Variants in CEP112 observed in about 807,000 individuals in gnomAD.
CEP112 encodes the protein centrosomal protein of 112 kDa.
Under a neutral mutation model 153.0 loss-of-function variants are expected in CEP112, and 127 were observed. The observed-to-expected ratio is 0.83, with a 90% CI of 0.72 to 0.96. The LOEUF (loss-of-function observed/expected upper bound fraction) is 0.96, where lower values mean the gene tolerates loss of function less well. Ranked by LOEUF, CEP112 falls within the 40% of genes least tolerant of loss-of-function variation. CEP112 has a pLI of 0.00. For missense variants in CEP112, 1,089 were observed against 1,101.2 expected (o/e 0.99, Z 0.16); for synonymous variants, 358 against 374.4 (o/e 0.96, Z 0.51).
chr17:65,958,123 T>G (rs2062061344), intron 18 of CEP112, among the ~76,000 whole-genome samples: 1 of 152,206 alleles, frequency 6.6e-6, no homozygotes, highest in Non-Finnish European at 1.5e-5. Flanking sequence ...GTTCCAGGTT[T>G]CTCTACTCAT....
intron 12 of CEP112, among the ~76,000 whole-genome samples, chr17:66,039,141 T>C (rs9890287): frequency 0.015 from 2,248 of 152,206 alleles, 60 homozygotes; most frequent in African/African-American, 0.052. Flanking sequence ...AAGAGGAAAT[T>C]TGGGAAAGGG....
intron 19 of CEP112, among the ~76,000 whole-genome samples, chr17:65,905,421 GAATGGTGATCATAAA>G (rs2060033667): frequency 6.6e-6 from 1 of 152,182 alleles, no homozygotes. Context: ...ATGCCAGTTA[GAATGGTGATCATAAA>G]AAGTCAGGAA....
intron 24 of CEP112, among the ~76,000 whole-genome samples, 163 bp from the exon 25 acceptor site, chr17:65,641,228 A>G (rs2045116607): frequency 6.6e-6 from 1 of 152,224 alleles, no homozygotes; most frequent in Admixed American, 6.5e-5. Context: ...TAAAAACTGA[A>G]AAGGCTACCC....
intron 23 of CEP112, among the ~76,000 whole-genome samples, chr17:65,732,138 T>G (rs1388294474): frequency 6.6e-6 from 1 of 152,194 alleles, no homozygotes; most frequent in African/African-American, 2.4e-5. Flanking sequence ...ATAAGAAGAC[T>G]TGAAAGTTGA....
chr17:65,994,583 A>C (rs753437854), intron 17 of CEP112, among the ~76,000 whole-genome samples: 1 of 152,106 alleles, frequency 6.6e-6, no homozygotes, highest in African/African-American at 2.4e-5. Flanking sequence ...CCTGCCTTGG[A>C]CTTCCAAAGT....
At position 66,032,744 on chromosome 17, in the gene CEP112, T is replaced by C. The variant is rs536084564; in HGVS notation, c.1219-2721A>G. Among the ~76,000 whole-genome samples, 112 of 151,968 alleles carry C rather than the reference T, an allele frequency of 7.4e-4. 2 individuals carry two copies. Among genetic ancestry groups the C allele is most frequent in the African/African-American group, 2.2e-3 (92 of 41,438 alleles). On this transcript the variant is annotated intron_variant, in intron 12 of 26. Coordinates refer to ENST00000535342, the MANE Select transcript of CEP112 (RefSeq NM_001199165.4). ...CCAAGAAATAAAATCAGAGGAAAAA[T>C]AGAAATAGACATGCAGATGCCCCAT...
intron 20 of CEP112, among the ~76,000 whole-genome samples, chr17:65,870,014 T>TA (rs2058602971): frequency 4.5e-5 from 2 of 44,614 alleles, no homozygotes; most frequent in Admixed American, 3.3e-4. Context: ...AGGTAGAGAA[T>TA]AAGAAAGAAA....
chr17:66,131,513 G>A lies in CEP112; in HGVS notation c.564+1157C>T, dbSNP rs190268372. On this transcript the variant is annotated intron_variant, in intron 5 of 26. Coordinates refer to ENST00000535342, the MANE Select transcript of CEP112 (RefSeq NM_001199165.4). ...TCCCAGCACTTTGGGAGGCTGAGGC[G>A]GGCGGATCACGAGGTCAGGAGATCA... Among the ~76,000 whole-genome samples, 1,323 of 152,158 alleles carry A rather than the reference G, an allele frequency of 8.7e-3. 17 individuals are homozygous for A. The highest frequency in any genetic ancestry group is 0.03 in the African/African-American group (1,254 of 41,502).
In CEP112 at chr17:65,690,972, G is replaced by A. The variant is rs560461648; in HGVS notation, c.2608-1754C>T. On this transcript the variant is annotated intron_variant, in intron 23 of 26. Transcript: ENST00000535342. ...GGCAGAGAGCAGGGGAGAGGCCACTGTAACACCAGGAAAGGGAAGATGGAG... is the reference window on the plus strand; with the variant it reads ...GGCAGAGAGCAGGGGAGAGGCCACTATAACACCAGGAAAGGGAAGATGGAG... 1.1e-4 allele frequency among the ~76,000 whole-genome samples: 16 copies of A among 152,256 alleles called. 1 individual carries two copies. The South Asian group carries it at 3.3e-3, about 32-fold the overall frequency.
intron 4 of CEP112, among the ~76,000 whole-genome samples, chr17:66,142,889 T>C (rs910442501): frequency 6.6e-6 from 1 of 152,128 alleles, no homozygotes; most frequent in Non-Finnish European, 1.5e-5. Flanking sequence ...AAAAAAGCCG[T>C]TGGAGTTTTG....
At chr17:65,679,129 CTTTTTTTTTTTTTTTT>C (rs57907674) in intron 24 of CEP112, among the ~76,000 whole-genome samples, 147 of 31,578 alleles carry the variant, frequency 4.7e-3, no homozygotes, top group South Asian at 8.4e-3. Context: ...GTGGTTCAAG[CTTTTTTTTTTTTTTTT>C]TTTTTTTTTT....
At chr17:66,177,497 C>T (rs1385814299) in intron 2 of CEP112, among the ~76,000 whole-genome samples, 2 of 152,132 alleles carry the variant, frequency 1.3e-5, no homozygotes, top group African/African-American at 2.4e-5. Flanking sequence ...TATTTTGATA[C>T]AGGCATGTAA....
intron 19 of CEP112, among the ~76,000 whole-genome samples, chr17:65,912,403 G>A (rs1050024558): frequency 3.3e-5 from 5 of 152,076 alleles, no homozygotes; most frequent in Non-Finnish European, 7.4e-5. Flanking sequence ...TGTCGGCCCC[G>A]GAATACAGAG....
Position 66,034,363 on chromosome 17 carries a change from A to ATATTC in CEP112, c.1219-4345_1219-4341dup, listed in dbSNP as rs559881032. ...CAAGAAATCCAACATAGAGGTAAAG[A>ATATTC]TATTCCCCTCTATATTAAAAGAATT... On this transcript the variant is annotated intron_variant, in intron 12 of 26. Coordinates refer to ENST00000535342, the MANE Select transcript of CEP112 (RefSeq NM_001199165.4). Among the ~76,000 whole-genome samples the ATATTC allele has an allele frequency of 3.2e-3, 490 of 152,290 alleles. 3 individuals carry two copies. Among genetic ancestry groups the ATATTC allele is most frequent in the African/African-American group, 0.011 (472 of 41,562 alleles).
intron 21 of CEP112, chr17:65,826,405 C>A (rs2056842471): frequency 3.2e-6 from 5 of 1,576,320 alleles, no homozygotes; most frequent in Non-Finnish European, 4.3e-6. Context: ...GCACAGCCTC[C>A]CTCCCCTGAT....
rs775825757 is a variant in CEP112, at chr17:65,689,161, A to T, written c.2665T>A (p.Leu889Ile). ...SNQVRCAEKK[L>I]QHKELESQEQ... ...TGTGACTCCAATTCTTTGTGTTGTA[A>T]TTTTTTCTCTGCACATCGCACCTGA... The change falls in exon 24 of 27, where the codon TTA becomes ATA. Residue 889 changes from leucine (L) to isoleucine (I), a missense_variant. Physicochemically the swap from Leu to Ile is conservative, Grantham distance 5. Transcript: ENST00000535342. The T allele has an allele frequency of 2.5e-5, 41 of 1,613,348 alleles. No homozygotes were observed. Among genetic ancestry groups the T allele is most frequent in the Non-Finnish European group, 3.3e-5 (39 of 1,179,472 alleles).
chr17:65,779,270 T>C (rs191152783), intron 21 of CEP112, among the ~76,000 whole-genome samples: 244 of 152,314 alleles, frequency 1.6e-3, no homozygotes, highest in African/African-American at 5.7e-3. Flanking sequence ...TATTAAGTAG[T>C]AGGCAGACTG....
intron 19 of CEP112, among the ~76,000 whole-genome samples, chr17:65,904,622 CAA>C (rs1356818860): frequency 2.0e-5 from 3 of 151,938 alleles, no homozygotes; most frequent in Admixed American, 6.5e-5. Context: ...TATATGGAAC[CAA>C]AAAAGAGTCT....
intron 8 of CEP112, among the ~76,000 whole-genome samples, chr17:66,084,703 T>C (rs1195686883): frequency 6.6e-6 from 1 of 151,986 alleles, no homozygotes; most frequent in African/African-American, 2.4e-5. Context: ...TTGGGATGGT[T>C]AATGGGTATA....
Sources: allele counts gnomAD v4.1 joint callset (sites outside exome capture counted in the v4.1 genomes callset), GRCh38; gene constraint gnomAD v4.1.1; transcripts MANE v1.5; gene names NCBI Gene and HGNC (gene_info 2026-07-23, HGNC 2026-07-21).